The following CCT3 variants were observed in gnomAD, a reference collection of about 807,000 sequenced individuals.
CCT3 encodes T-complex protein 1 subunit gamma.
Under a neutral mutation model 65.3 loss-of-function variants are expected in CCT3, and 10 were observed. The observed-to-expected ratio is 0.15, with a 90% confidence interval of 0.09 to 0.26. CCT3 has a LOEUF of 0.26. Ranked by LOEUF, CCT3 falls within the 10% of genes least tolerant of loss-of-function variation. The pLI, the probability that CCT3 is intolerant of heterozygous loss-of-function variation, is 1.00. For missense variants in CCT3, 626 were observed against 708.7 expected (o/e 0.88, Z 1.33); for synonymous variants, 225 against 242.3 (o/e 0.93, Z 0.66).
At chr1:156,321,124 G>A in intron 6 of CCT3, 99 bp from the exon 7 acceptor site, 1 of 917,292 alleles carries the variant, frequency 1.1e-6, no homozygotes, top group South Asian at 1.7e-5. Context: ...TGGACCAAGA[G>A]GCAGAACAAG....
At chr1:156,337,827 T>A in intron 1 of CCT3, 1 of 410,392 alleles carries the variant, frequency 2.4e-6, no homozygotes. Context: ...TTCGTGCAGC[T>A]ACATAGCGAC....
chr1:156,316,464 G>A lies in CCT3; in HGVS notation c.974+702C>T, dbSNP rs138059901. On this transcript the variant is annotated intron_variant, in intron 10 of 13. Coordinates refer to ENST00000295688, the MANE Select transcript of CCT3 (RefSeq NM_005998.5). ...CATGGCCATGTGAAGTCAACTATGT[G>A]TATGCATGTTAATACCCTTTGGGGT... is the stretch of plus-strand genomic sequence containing the variant. 2.6e-3 allele frequency among the ~76,000 whole-genome samples: 395 copies of A among 152,332 alleles called. 1 individual carries two copies. The highest frequency in any genetic ancestry group is 9.4e-3 in the African/African-American group (389 of 41,586).
At chr1:156,319,279 A>AT (rs144888660) in intron 7 of CCT3, among the ~76,000 whole-genome samples, 189 of 147,772 alleles carry the variant, frequency 1.3e-3, no homozygotes, top group African/African-American at 3.6e-3. Context: ...CACCCGGCTA[A>AT]TTTTTTTTTT....
chr1:156,328,295 G>A (rs973059513), intron 5 of CCT3, among the ~76,000 whole-genome samples: 6 of 149,814 alleles, frequency 4.0e-5, no homozygotes, highest in South Asian at 2.1e-4. Context: ...GCTTCTGCCC[G>A]GCTGCCCCTA....
chr1:156,317,870 A>T (rs905671038), intron 8 of CCT3, among the ~76,000 whole-genome samples: 2 of 151,628 alleles, frequency 1.3e-5, no homozygotes, highest in Non-Finnish European at 2.9e-5. Flanking sequence ...CACCACCCCC[A>T]GCTAACTTTT....
rs1290808431 is a variant in CCT3 at position 156,334,583 on chromosome 1, G to A, written c.207+130C>T. On this transcript the variant is annotated intron_variant, in intron 4 of 13. Transcript: ENST00000295688. Reference sequence around the variant, plus strand: ...TATAAGATAATAAATTTCTGTTGTTGAAGCCAACCAGTTTCTGGTAATCTG... The same window carrying A: ...TATAAGATAATAAATTTCTGTTGTTAAAGCCAACCAGTTTCTGGTAATCTG... 3.7e-6 allele frequency: 3 copies of A among 804,278 alleles called. No individual in the cohort carries two copies. The African/African-American group carries it at 5.2e-5, about 14-fold the overall frequency. The allele number at this position is 804,278 out of a possible 1,614,324, so 49.8% of individuals were successfully genotyped here. A position where few individuals can be genotyped will look rare whatever the true frequency, so the allele number is the denominator to read the frequency against.
chr1:156,316,521 ATATAT>A (rs2101637996), intron 10 of CCT3, among the ~76,000 whole-genome samples: 1 of 152,322 alleles, frequency 6.6e-6, no homozygotes, highest in African/African-American at 2.4e-5. Flanking sequence ...TGGATCTGTG[ATATAT>A]TATGTTGGGG....
chr1:156,314,543 C>T (rs1327938238), intron 10 of CCT3, among the ~76,000 whole-genome samples: 10 of 151,776 alleles, frequency 6.6e-5, no homozygotes, highest in Admixed American at 4.6e-4. Context: ...GGAGAAACCC[C>T]GTCTCTACTA....
chr1:156,336,318 T>C (rs979800988), intron 1 of CCT3, among the ~76,000 whole-genome samples: 4 of 90,980 alleles, frequency 4.4e-5, no homozygotes, highest in African/African-American at 8.8e-5. Context: ...ACAACTATTA[T>C]CAGATTCTCA....
intron 10 of CCT3, among the ~76,000 whole-genome samples, chr1:156,316,339 G>A (rs1381573808): frequency 1.3e-5 from 2 of 152,108 alleles, no homozygotes; most frequent in Non-Finnish European, 1.5e-5. Flanking sequence ...AGGGGGCGGG[G>A]ATCCTAGAAC....
At chr1:156,312,971 G>A (rs968967855) in intron 10 of CCT3, among the ~76,000 whole-genome samples, 1 of 152,150 alleles carries the variant, frequency 6.6e-6, no homozygotes, top group Non-Finnish European at 1.5e-5. Flanking sequence ...AGGTTTGTTT[G>A]GCTTTTAAAA....
chr1:156,322,134 G>C (rs1664582591), intron 6 of CCT3, among the ~76,000 whole-genome samples: 1 of 152,160 alleles, frequency 6.6e-6, no homozygotes, highest in Non-Finnish European at 1.5e-5. Flanking sequence ...CTAGCTACTT[G>C]GGAAGCTGGG....
chr1:156,316,853 A>T (rs1425391455), intron 10 of CCT3, among the ~76,000 whole-genome samples: 2 of 152,218 alleles, frequency 1.3e-5, no homozygotes, highest in African/African-American at 2.4e-5. Flanking sequence ...TTCAAAAATC[A>T]TCATAATGAC....
chr1:156,337,840 T>C (rs1570943186), intron 1 of CCT3: 1 of 406,166 alleles, frequency 2.5e-6, no homozygotes. Flanking sequence ...ATAGCGACAA[T>C]CAGGCTAGAA....
intron 10 of CCT3, among the ~76,000 whole-genome samples, chr1:156,312,718 C>T (rs981584994): frequency 6.6e-6 from 1 of 152,054 alleles, no homozygotes; most frequent in Non-Finnish European, 1.5e-5. Flanking sequence ...GCCATCATTG[C>T]AGTTACAGCA....
intron 7 of CCT3, among the ~76,000 whole-genome samples, 164 bp from the exon 8 acceptor site, chr1:156,319,181 C>T (rs1289294151): frequency 4.7e-5 from 7 of 149,842 alleles, no homozygotes; most frequent in African/African-American, 1.5e-4. Flanking sequence ...GGTGCAATCT[C>T]GGCTCACTGC....
intron 10 of CCT3, among the ~76,000 whole-genome samples, chr1:156,314,086 CAAA>C (rs139747435): frequency 9.3e-5 from 9 of 96,486 alleles, no homozygotes; most frequent in African/African-American, 1.2e-4. Context: ...ACTCTGTCTC[CAAA>C]AAAAAAAAAA....
At chr1:156,325,507 G>T (rs1011224936) in intron 5 of CCT3, among the ~76,000 whole-genome samples, 1 of 151,904 alleles carries the variant, frequency 6.6e-6, no homozygotes, top group Admixed American at 6.6e-5. Context: ...CAATCTGGGT[G>T]ACAGAGTGAG....
intron 1 of CCT3, chr1:156,337,200 C>T (rs369362506): frequency 6.3e-5 from 29 of 462,200 alleles, no homozygotes; most frequent in South Asian, 4.6e-4. Context: ...AGCTCATCAG[C>T]AGTTGGAGAC....
Sources: allele counts gnomAD v4.1 joint callset (sites outside exome capture counted in the v4.1 genomes callset), GRCh38; gene constraint gnomAD v4.1.1; transcripts MANE v1.5; gene names NCBI Gene and HGNC (gene_info 2026-07-23, HGNC 2026-07-21).